The following SH3RF3 variants were observed in gnomAD, a reference collection of about 807,000 sequenced individuals.
The protein encoded by SH3RF3 is SH3 domain containing ring finger 3, also known as E3 ubiquitin-protein ligase SH3RF3.
Under a neutral mutation model 66.3 loss-of-function variants are expected in SH3RF3, and 29 were observed. That is an observed-to-expected ratio of 0.44 (90% CI 0.33 to 0.60). SH3RF3 has a LOEUF of 0.60. Among genes scored for constraint, SH3RF3 ranks in the 20% least tolerant of loss-of-function variants. The pLI, the probability that SH3RF3 is intolerant of heterozygous loss-of-function variation, is 0.04. For missense variants in SH3RF3, 1,194 were observed against 1,190.9 expected (o/e 1.00, Z -0.04); for synonymous variants, 583 against 532.0 (o/e 1.10, Z -1.32).
chr2:109,242,910 G>A (rs1393793303), intron 1 of SH3RF3, among the ~76,000 whole-genome samples: 1 of 152,200 alleles, frequency 6.6e-6, no homozygotes, highest in Non-Finnish European at 1.5e-5. Context: ...TCACAGAACA[G>A]CATTAGGAAA....
intron 1 of SH3RF3, among the ~76,000 whole-genome samples, chr2:109,318,529 G>T (rs1574570618): frequency 6.6e-6 from 1 of 152,220 alleles, no homozygotes; most frequent in African/African-American, 2.4e-5. Flanking sequence ...GATAAACGCT[G>T]TGAGAGAACT....
At chr2:109,278,220 C>T (rs1385994748) in intron 1 of SH3RF3, among the ~76,000 whole-genome samples, 1 of 152,036 alleles carries the variant, frequency 6.6e-6, no homozygotes, top group Non-Finnish European at 1.5e-5. Context: ...GGACTATTTT[C>T]TCTGCACTCC....
At chr2:109,379,896 G>A (rs1039600057) in intron 3 of SH3RF3, among the ~76,000 whole-genome samples, 1 of 152,156 alleles carries the variant, frequency 6.6e-6, no homozygotes, top group Non-Finnish European at 1.5e-5. Context: ...GTCTATGTCT[G>A]AACAGAGTGG....
chr2:109,500,464 G>T (rs979101118), intron 9 of SH3RF3, among the ~76,000 whole-genome samples: 4 of 152,184 alleles, frequency 2.6e-5, no homozygotes. Flanking sequence ...TCCTGTCTCT[G>T]ATTCCACACT....
chr2:109,484,130 G>A (rs372011339), intron 8 of SH3RF3, among the ~76,000 whole-genome samples: 12 of 148,834 alleles, frequency 8.1e-5, no homozygotes, highest in African/African-American at 2.5e-4. Context: ...GTGCAGTGGC[G>A]TGATCTTGTC....
At chr2:109,335,343 C>T (rs536257896) in intron 1 of SH3RF3, among the ~76,000 whole-genome samples, 8 of 152,294 alleles carry the variant, frequency 5.3e-5, no homozygotes, top group Non-Finnish European at 7.4e-5. Flanking sequence ...ATTGAAAACT[C>T]TCAATGGCGT....
Position 109,496,198 on chromosome 2 carries a change from C to T in SH3RF3, c.2480+5262C>T, listed in dbSNP as rs554523670. 2.0e-4 allele frequency among the ~76,000 whole-genome samples: 30 copies of T among 152,210 alleles called. No individual in the cohort carries two copies. In the East Asian group the frequency reaches 4.6e-3, roughly 23 times the overall value. The stretch of plus-strand genomic sequence containing the variant: ...GCTGATTGGTGCATTTTACAGAGTG[C>T]GGATTGGTGCATTTTACAGAGTGCT... On this transcript the variant is annotated intron_variant, in intron 9 of 9. Coordinates refer to ENST00000309415, the MANE Select transcript of SH3RF3 (RefSeq NM_001099289.3).
chr2:109,254,515 C>G (rs1030781265), intron 1 of SH3RF3, among the ~76,000 whole-genome samples: 1 of 152,218 alleles, frequency 6.6e-6, no homozygotes, highest in African/African-American at 2.4e-5. Flanking sequence ...GCCTCTGACA[C>G]TGAGCTGATG....
At chr2:109,191,243 C>T (rs141009447) in intron 1 of SH3RF3, among the ~76,000 whole-genome samples, 22 of 152,106 alleles carry the variant, frequency 1.4e-4, no homozygotes, top group African/African-American at 4.6e-4. Context: ...AAAAAGTGGA[C>T]GGGAAGGTTG....
chr2:109,355,934 C>G (rs1469491949), intron 2 of SH3RF3, among the ~76,000 whole-genome samples: 1 of 152,186 alleles, frequency 6.6e-6, no homozygotes, highest in East Asian at 1.9e-4. Context: ...CTGTTGTGAT[C>G]TAGCCATGAA....
chr2:109,255,064 G>A (rs1300923853), intron 1 of SH3RF3, among the ~76,000 whole-genome samples: 1 of 152,170 alleles, frequency 6.6e-6, no homozygotes, highest in Non-Finnish European at 1.5e-5. Context: ...GTCCTCCTAA[G>A]GCTAAAAGAC....
rs1679464070 is a variant in SH3RF3, at chr2:109,503,976, A to C, written c.*2305A>C. ...GTCGGGTGGGCGTTGGTGCCACCTTAGGAAGGAGAGCGATGCGTGGGTCTG... is the reference window on the plus strand; with the variant it reads ...GTCGGGTGGGCGTTGGTGCCACCTTCGGAAGGAGAGCGATGCGTGGGTCTG... On this transcript the variant is annotated 3_prime_UTR_variant, in exon 10 of 10. Transcript: ENST00000309415. 6.6e-6 allele frequency: 1 copy of C among 152,192 alleles called. No individual in the cohort carries two copies. The highest frequency in any genetic ancestry group is 1.5e-5 in the Non-Finnish European group (1 of 68,052). 9.4% of individuals were successfully genotyped at this position (152,192 alleles called of 1,614,324 possible).
intron 1 of SH3RF3, among the ~76,000 whole-genome samples, chr2:109,244,339 G>A (rs1679860065): frequency 6.6e-6 from 1 of 152,168 alleles, no homozygotes; most frequent in African/African-American, 2.4e-5. Context: ...TGAGAAAAGT[G>A]ACACAGAGCA....
At chr2:109,241,017 A>T (rs888509677) in intron 1 of SH3RF3, among the ~76,000 whole-genome samples, 7 of 152,186 alleles carry the variant, frequency 4.6e-5, no homozygotes, top group African/African-American at 1.4e-4. Context: ...TTTGGCCAAA[A>T]AGAACTCTAT....
At chr2:109,480,141 C>T (rs1678797915) in intron 8 of SH3RF3, among the ~76,000 whole-genome samples, 1 of 152,216 alleles carries the variant, frequency 6.6e-6, no homozygotes, top group African/African-American at 2.4e-5. Flanking sequence ...GCAACACTTG[C>T]ATATCAACCA....
rs1358613910 is a variant in SH3RF3, at chr2:109,495,681, G to A, written c.2480+4745G>A. On this transcript the variant is annotated intron_variant, in intron 9 of 9. Transcript: ENST00000309415. ...TGATTTTTGTATTTTTAGTAGAGAC[G>A]GGGTTTCGCCATGTTAGCCAGGCTG... Among the ~76,000 whole-genome samples the A allele has an allele frequency of 5.3e-5, 8 of 151,638 alleles. No homozygotes were observed. The East Asian group carries it at 7.7e-4, about 15-fold the overall frequency.
chr2:109,192,106 A>G (rs546418026), intron 1 of SH3RF3, among the ~76,000 whole-genome samples: 3 of 152,138 alleles, frequency 2.0e-5, no homozygotes, highest in Admixed American at 1.3e-4. Flanking sequence ...AACTTTGGTT[A>G]ATTTTGGACT....
At chr2:109,374,480 G>T (rs963166354) in intron 3 of SH3RF3, among the ~76,000 whole-genome samples, 8 of 152,206 alleles carry the variant, frequency 5.3e-5, no homozygotes, top group Non-Finnish European at 8.8e-5. Flanking sequence ...GGCCCAAACT[G>T]CTTCCCTCTG....
At chr2:109,152,119 C>T (rs1393633416) in intron 1 of SH3RF3, among the ~76,000 whole-genome samples, 1 of 152,218 alleles carries the variant, frequency 6.6e-6, no homozygotes, top group African/African-American at 2.4e-5. Flanking sequence ...CTCCTAGCCT[C>T]TTTTTGGAGA....
Sources: gnomAD v4.1 joint callset for allele counts (sites outside exome capture counted in the v4.1 genomes callset) on GRCh38, gnomAD v4.1.1 for gene constraint, MANE v1.5 for transcripts, NCBI Gene and HGNC (gene_info 2026-07-23, HGNC 2026-07-21) for gene names.